The following TRPC4 variants were observed in gnomAD, a reference collection of about 807,000 sequenced individuals.
TRPC4 encodes the protein short transient receptor potential channel 4.
A neutral mutation model predicts 99.4 loss-of-function variants in TRPC4; 49 were observed. That is an observed-to-expected ratio of 0.49 (90% CI 0.39 to 0.63). The LOEUF (loss-of-function observed/expected upper bound fraction) is 0.63. Among genes scored for constraint, TRPC4 ranks in the 20% least tolerant of loss-of-function variants. The pLI is 0.00. For missense variants in TRPC4, 898 were observed against 1,152.9 expected (o/e 0.78, Z 3.20); for synonymous variants, 454 against 425.9 (o/e 1.07, Z -0.81).
chr13:37,859,554 A>C (rs571896867), intron 1 of TRPC4, among the ~76,000 whole-genome samples: 44 of 151,598 alleles, frequency 2.9e-4, no homozygotes, highest in African/African-American at 1.0e-3. Context: ...TTTCAACAGA[A>C]ATGGTAGAAG....
chr13:37,862,417 T>C (rs1198122984), intron 1 of TRPC4, among the ~76,000 whole-genome samples: 1 of 151,608 alleles, frequency 6.6e-6, no homozygotes, highest in East Asian at 1.9e-4. Flanking sequence ...TCAATAATGC[T>C]ATTTAAATTT....
rs1228106119 is a variant in TRPC4 at position 37,851,847 on chromosome 13, G to A, written c.-28+17748C>T. Among the ~76,000 whole-genome samples the A allele has an allele frequency of 3.3e-5, 5 of 152,188 alleles. No individual in the cohort carries two copies. In the East Asian group the frequency reaches 7.7e-4, roughly 23 times the overall value. ...TTGGAGGAGGGAGAGCACAGCAACA[G>A]GTGGACATTACTTTGAACTCAGTGC... On this transcript the variant is annotated intron_variant, in intron 1 of 10. Transcript: ENST00000379705.
intron 2 of TRPC4, among the ~76,000 whole-genome samples, chr13:37,753,925 GGT>G (rs1297391419): frequency 6.6e-6 from 1 of 152,052 alleles, no homozygotes; most frequent in Non-Finnish European, 1.5e-5. Context: ...TTTTCTTACT[GGT>G]TTTCCAGGGA....
At chr13:37,787,591 A>C (rs1467778887) in intron 1 of TRPC4, among the ~76,000 whole-genome samples, 1 of 152,078 alleles carries the variant, frequency 6.6e-6, no homozygotes, top group African/African-American at 2.4e-5. Flanking sequence ...AAAATATTGC[A>C]TATGACTGAA....
chr13:37,803,783 A>G (rs2139441688), intron 1 of TRPC4, among the ~76,000 whole-genome samples: 1 of 152,142 alleles, frequency 6.6e-6, no homozygotes, highest in African/African-American at 2.4e-5. Flanking sequence ...CCATGAAAAG[A>G]TGTGAAGGAA....
intron 1 of TRPC4, among the ~76,000 whole-genome samples, chr13:37,827,583 CG>C (rs1958272335): frequency 1.3e-5 from 2 of 151,798 alleles, no homozygotes; most frequent in Non-Finnish European, 2.9e-5. Context: ...TTAGGCTGCT[CG>C]GGGGTCAGGG....
chr13:37,640,392 G>A (rs1249537872), intron 8 of TRPC4, among the ~76,000 whole-genome samples: 2 of 151,994 alleles, frequency 1.3e-5, no homozygotes, highest in African/African-American at 4.8e-5. Context: ...CTTCTCTTCA[G>A]AGAAATAGAA....
In TRPC4 at chr13:37,635,601, T is replaced by C. The variant is rs1312983615; in HGVS notation, c.*1302A>G. 6.6e-6 allele frequency among the ~76,000 whole-genome samples: 1 copy of C among 152,174 alleles called. No individual in the cohort carries two copies. Among genetic ancestry groups the C allele is most frequent in the East Asian group, 1.9e-4 (1 of 5,204 alleles). Reference sequence around the variant, plus strand: ...AAATAAAATGAACTTAGCATTTTTCTATTGATTTGAAATAAATGCTAATTT... The same window carrying C: ...AAATAAAATGAACTTAGCATTTTTCCATTGATTTGAAATAAATGCTAATTT... On this transcript the variant is annotated 3_prime_UTR_variant, in exon 11 of 11. Transcript: ENST00000379705.
chr13:37,638,751 C>T (rs138391818), intron 10 of TRPC4, among the ~76,000 whole-genome samples: 138 of 152,276 alleles, frequency 9.1e-4, no homozygotes, highest in Middle Eastern at 3.4e-3. Flanking sequence ...ATTTAAAAAT[C>T]AGGCTGAAAT....
chr13:37,730,839 C>A (rs1308956378), intron 3 of TRPC4, among the ~76,000 whole-genome samples: 3 of 151,970 alleles, frequency 2.0e-5, no homozygotes, highest in Admixed American at 6.6e-5. Flanking sequence ...GAAAATTGAT[C>A]AGAATAAGTA....
At chr13:37,724,733 G>T (rs1438579177) in intron 3 of TRPC4, among the ~76,000 whole-genome samples, 1 of 152,034 alleles carries the variant, frequency 6.6e-6, no homozygotes, top group African/African-American at 2.4e-5. Flanking sequence ...CATCTTTTTG[G>T]CAAGGCCCAA....
At chr13:37,856,653 T>G (rs1428711778) in intron 1 of TRPC4, among the ~76,000 whole-genome samples, 1 of 151,668 alleles carries the variant, frequency 6.6e-6, no homozygotes, top group East Asian at 1.9e-4. Context: ...GCAAACTGAA[T>G]TAAATGATAC....
intron 1 of TRPC4, among the ~76,000 whole-genome samples, chr13:37,821,759 T>A (rs1358900015): frequency 6.6e-6 from 1 of 152,128 alleles, no homozygotes; most frequent in Non-Finnish European, 1.5e-5. Context: ...TGGCTAGTCA[T>A]ACGTGGAAGA....
At chr13:37,717,342 T>A (rs542611917) in intron 3 of TRPC4, among the ~76,000 whole-genome samples, 3 of 152,314 alleles carry the variant, frequency 2.0e-5, no homozygotes, top group South Asian at 2.1e-4. Context: ...TGCTATTGGC[T>A]ACTTAATAGT....
At chr13:37,840,622 C>A (rs1444635021) in intron 1 of TRPC4, among the ~76,000 whole-genome samples, 2 of 151,744 alleles carry the variant, frequency 1.3e-5, no homozygotes, top group African/African-American at 4.8e-5. Flanking sequence ...ATGTTCCAAA[C>A]TGTTATATAT....
chr13:37,805,980 T>A (rs1225265496), intron 1 of TRPC4, among the ~76,000 whole-genome samples: 3 of 151,968 alleles, frequency 2.0e-5, no homozygotes, highest in African/African-American at 7.2e-5. Flanking sequence ...GAATCAGAGA[T>A]GTCATTAAAA....
At chr13:37,869,342 G>C (rs1960010144) in intron 1 of TRPC4, among the ~76,000 whole-genome samples, 1 of 152,166 alleles carries the variant, frequency 6.6e-6, no homozygotes, top group Non-Finnish European at 1.5e-5. Flanking sequence ...GCCGAGTGCG[G>C]CGGAAGACTG....
intron 1 of TRPC4, among the ~76,000 whole-genome samples, chr13:37,786,675 G>A (rs568111288): frequency 6.6e-6 from 1 of 151,906 alleles, no homozygotes. Flanking sequence ...ATTGCTCCTG[G>A]TCCTCCACTT....
intron 1 of TRPC4, among the ~76,000 whole-genome samples, chr13:37,799,076 T>C (rs1325785211): frequency 1.3e-5 from 2 of 151,900 alleles, no homozygotes; most frequent in African/African-American, 4.8e-5. Flanking sequence ...GGACTAAAGG[T>C]GCCCACCGCC....
Sources: gnomAD v4.1 joint callset for allele counts (sites outside exome capture counted in the v4.1 genomes callset) on GRCh38, gnomAD v4.1.1 for gene constraint, MANE v1.5 for transcripts, NCBI Gene and HGNC (gene_info 2026-07-23, HGNC 2026-07-21) for gene names.